Variants in ASCC3 observed in about 807,000 individuals in gnomAD.
The protein encoded by ASCC3 is activating signal cointegrator 1 complex subunit 3.
Under a neutral mutation model 256.3 loss-of-function variants are expected in ASCC3, and 158 were observed. The observed-to-expected ratio is 0.62, with a 90% CI of 0.54 to 0.70. ASCC3 has a LOEUF of 0.70. Ranked by LOEUF, ASCC3 falls within the 30% of genes least tolerant of loss-of-function variation. ASCC3 has a pLI of 0.00. For synonymous variants in ASCC3, 948 were observed against 883.4 expected, an observed-to-expected ratio of 1.07 and a Z score of -1.30; for missense variants, 2,259 against 2,626.0, an observed-to-expected ratio of 0.86 and a Z score of 3.05.
intron 13 of ASCC3, among the ~76,000 whole-genome samples, chr6:100,712,560 C>G (rs956341017): frequency 6.6e-6 from 1 of 152,008 alleles, no homozygotes; most frequent in Non-Finnish European, 1.5e-5. Context: ...AAACAAGATA[C>G]CATTACACAC....
intron 36 of ASCC3, among the ~76,000 whole-genome samples, chr6:100,567,352 G>A (rs921656891): frequency 3.9e-5 from 6 of 152,000 alleles, no homozygotes; most frequent in Non-Finnish European, 5.9e-5. Context: ...ATGACTAGAG[G>A]CATAGGTGTA....
At chr6:100,671,069 G>T (rs1314699642) in intron 14 of ASCC3, among the ~76,000 whole-genome samples, 4 of 152,018 alleles carry the variant, frequency 2.6e-5, no homozygotes, top group Non-Finnish European at 4.4e-5. Context: ...ACAAAAAGGT[G>T]TATATAACAT....
intron 36 of ASCC3, among the ~76,000 whole-genome samples, chr6:100,550,236 T>C (rs1769221289): frequency 6.6e-6 from 1 of 151,906 alleles, no homozygotes; most frequent in Admixed American, 6.6e-5. Context: ...TCTGATCCTT[T>C]ATCAGAAGAA....
At chr6:100,606,882 C>T in intron 31 of ASCC3, 22 bp from the exon 32 acceptor site, 2 of 1,607,168 alleles carry the variant, frequency 1.2e-6, no homozygotes, top group Non-Finnish European at 1.7e-6. Context: ...AATAAAATAT[C>T]TTATATCTAA....
chr6:100,768,261 T>A (rs547373889), intron 8 of ASCC3, among the ~76,000 whole-genome samples: 1 of 152,302 alleles, frequency 6.6e-6, no homozygotes, highest in East Asian at 1.9e-4. Flanking sequence ...AACAATTCTA[T>A]GGTGTAGGTA....
chr6:100,817,570 G>A (rs1770815655), intron 4 of ASCC3, among the ~76,000 whole-genome samples: 2 of 151,598 alleles, frequency 1.3e-5, no homozygotes, highest in African/African-American at 4.8e-5. Context: ...CAAATTAGTA[G>A]GATCATATAT....
chr6:100,838,659 CTATT>C (rs1274061004), intron 4 of ASCC3, among the ~76,000 whole-genome samples: 1 of 152,048 alleles, frequency 6.6e-6, no homozygotes, highest in African/African-American at 2.4e-5. Flanking sequence ...AATGTGAACA[CTATT>C]TATTCCCCAC....
At chr6:100,546,843 AT>A (rs1157926654) in intron 36 of ASCC3, among the ~76,000 whole-genome samples, 1 of 151,886 alleles carries the variant, frequency 6.6e-6, no homozygotes, top group African/African-American at 2.4e-5. Flanking sequence ...TCTGTCCCCT[AT>A]TTTTTTCATT....
intron 36 of ASCC3, among the ~76,000 whole-genome samples, chr6:100,583,964 A>C (rs1054196804): frequency 6.6e-6 from 1 of 152,078 alleles, no homozygotes; most frequent in South Asian, 2.1e-4. Flanking sequence ...GTTTGTTATA[A>C]TTTCTGTTGT....
intron 36 of ASCC3, among the ~76,000 whole-genome samples, chr6:100,562,920 G>C (rs1002521744): frequency 6.6e-5 from 10 of 151,824 alleles, no homozygotes; most frequent in African/African-American, 2.4e-4. Flanking sequence ...TATCCTTTTT[G>C]AATCCCTGAC....
chr6:100,536,976 T>A (rs1775195793), intron 37 of ASCC3, among the ~76,000 whole-genome samples: 1 of 152,176 alleles, frequency 6.6e-6, no homozygotes, highest in African/African-American at 2.4e-5. Context: ...CCTTATAGTA[T>A]AATTCCAGGA....
intron 10 of ASCC3, among the ~76,000 whole-genome samples, chr6:100,763,413 G>T (rs1211969278): frequency 2.0e-5 from 3 of 152,154 alleles, no homozygotes; most frequent in Non-Finnish European, 4.4e-5. Context: ...TGGGCAAATG[G>T]GTAAGAAATA....
At chr6:100,862,405 ATAGT>A (rs902225064) in intron 3 of ASCC3, among the ~76,000 whole-genome samples, 2 of 152,224 alleles carry the variant, frequency 1.3e-5, no homozygotes, top group African/African-American at 4.8e-5. Context: ...CAGACCAATG[ATAGT>A]TAAATGACAT....
intron 36 of ASCC3, among the ~76,000 whole-genome samples, chr6:100,567,123 C>T (rs1770302607): frequency 6.6e-6 from 1 of 151,672 alleles, no homozygotes; most frequent in Admixed American, 6.6e-5. Context: ...ATATAATTTA[C>T]TTATTGAAAA....
chr6:100,559,826 G>A (rs1422770672), intron 36 of ASCC3, among the ~76,000 whole-genome samples: 1 of 149,470 alleles, frequency 6.7e-6, no homozygotes, highest in African/African-American at 2.5e-5. Context: ...AACCAACCTG[G>A]GTCACAGAGC....
chr6:100,601,635 A>G (rs995374191), intron 34 of ASCC3, among the ~76,000 whole-genome samples, 175 bp downstream of exon 34: 4 of 152,092 alleles, frequency 2.6e-5, no homozygotes, highest in African/African-American at 9.7e-5. Context: ...ATAATTATTG[A>G]TATTTTATAT....
intron 14 of ASCC3, among the ~76,000 whole-genome samples, chr6:100,671,811 C>T (rs1562215173): frequency 1.3e-5 from 2 of 151,964 alleles, no homozygotes; most frequent in East Asian, 3.8e-4. Flanking sequence ...TATTTCCCAA[C>T]ATTTACTTCT....
intron 3 of ASCC3, among the ~76,000 whole-genome samples, chr6:100,852,870 T>G (rs1462334019): frequency 1.3e-5 from 2 of 152,208 alleles, no homozygotes; most frequent in South Asian, 2.1e-4. Context: ...TTTAAAAGGA[T>G]GCACTTAGAA....
rs187756929 is a variant in ASCC3, at chr6:100,542,172, T to C, written c.5551-1785A>G. ...ACTATAAATCTATAGATTCAAGATA[T>C]TCAACAAACCTCAACCAAAGAAAAA... On this transcript the variant is annotated intron_variant, in intron 36 of 41. Coordinates refer to ENST00000369162, the MANE Select transcript of ASCC3 (RefSeq NM_006828.4). Among the ~76,000 whole-genome samples, 231 of 152,224 alleles carry C rather than the reference T, an allele frequency of 1.5e-3. 1 individual carries two copies. Among genetic ancestry groups the C allele is most frequent in the Non-Finnish European group, 3.4e-4 (23 of 68,008 alleles).
Sources: gnomAD v4.1 joint callset for allele counts (sites outside exome capture counted in the v4.1 genomes callset) on GRCh38, gnomAD v4.1.1 for gene constraint, MANE v1.5 for transcripts, NCBI Gene and HGNC (gene_info 2026-07-23, HGNC 2026-07-21) for gene names.